CA7: variants seen among roughly 807,000 people sequenced by gnomAD.
CA7 encodes carbonic anhydrase 7.
CA7 carries 13 observed loss-of-function variants against 31.4 expected under a neutral mutation model. That is an observed-to-expected ratio of 0.41 (90% CI 0.27 to 0.66). The LOEUF (loss-of-function observed/expected upper bound fraction) is 0.66, where lower values mean the gene tolerates loss of function less well. CA7 is among the 30% of genes least tolerant of loss of function. The pLI is 0.28. For missense variants in CA7, 215 were observed against 351.0 expected, an observed-to-expected ratio of 0.61 and a Z score of 3.10; for synonymous variants, 128 against 133.2, an observed-to-expected ratio of 0.96 and a Z score of 0.27.
chr16:66,848,535 C>A (rs560886649), intron 2 of CA7, among the ~76,000 whole-genome samples: 2 of 152,286 alleles, frequency 1.3e-5, no homozygotes, highest in East Asian at 3.9e-4. Flanking sequence ...TCAGGCCTGG[C>A]TGGGGCTCCC....
Position 66,853,322 on chromosome 16 carries a change from T to C in CA7, c.673-54T>C, listed in dbSNP as rs1961106902. 1.2e-6 allele frequency: 2 copies of C among 1,610,718 alleles called. No individual in the cohort carries two copies. The highest frequency in any genetic ancestry group is 1.1e-5 in the South Asian group (1 of 90,748). On this transcript the variant is annotated intron_variant, in intron 6 of 6. Transcript: ENST00000338437. The surrounding 1 kb of genome is among the most constrained non-coding windows in gnomAD (Gnocchi z 4.5). The stretch of plus-strand genomic sequence containing the variant: ...ATGCCAGATGATGCATCTGGGGTCA[T>C]AGAGGACCACAGCACCCCCAATCTG...
chr16:66,850,808 C>T, intron 3 of CA7, 149 bp downstream of exon 3: 1 of 645,940 alleles, frequency 1.5e-6, no homozygotes, highest in Non-Finnish European at 2.8e-6. Context: ...TTCTACCCAC[C>T]CCCAGCACAG....
chr16:66,850,805 C>T, intron 3 of CA7, 146 bp downstream of exon 3: 1 of 646,182 alleles, frequency 1.5e-6, no homozygotes, highest in Non-Finnish European at 2.8e-6. Flanking sequence ...ATTTTCTACC[C>T]ACCCCCAGCA....
chr16:66,844,461 G>C lies in CA7; in HGVS notation c.-27G>C, dbSNP rs3743726. On this transcript the variant is annotated 5_prime_UTR_variant, in exon 1 of 7. Transcript: ENST00000338437. ...CGAGCGGACCGAGCCGACCGGGCAG[G>C]TGCACGGCTGCGGGGACGGCAGCGG... 54 of 1,537,222 alleles carry C rather than the reference G, an allele frequency of 3.5e-5. No individual in the cohort carries two copies. The East Asian group carries it at 1.1e-3, about 31-fold the overall frequency.
chr16:66,853,502 G>A lies in CA7; in HGVS notation c.*4G>A. 6.2e-7 allele frequency: 1 copy of A among 1,613,766 alleles called. No individual in the cohort carries two copies. ...AAAGGCCTCCTTCCGGGCCTGAGCT[G>A]CCCATCTGCCTAGCCGGCCACTAGG... On this transcript the variant is annotated 3_prime_UTR_variant, in exon 7 of 7. Transcript: ENST00000338437. The surrounding 1 kb of genome is among the most constrained non-coding windows in gnomAD (Gnocchi z 4.5).
At chr16:66,845,958 C>T (rs1273378716) in intron 1 of CA7, among the ~76,000 whole-genome samples, 2 of 152,102 alleles carry the variant, frequency 1.3e-5, no homozygotes, top group African/African-American at 2.4e-5. Context: ...GGCCGGGCCA[C>T]GATTCTGAGT....
chr16:66,844,465 A>AC lies in CA7; in HGVS notation c.-22dup. On this transcript the variant is annotated 5_prime_UTR_variant, in exon 1 of 7. Transcript: ENST00000338437. The stretch of plus-strand genomic sequence containing the variant: ...CGGACCGAGCCGACCGGGCAGGTGC[A>AC]CGGCTGCGGGGACGGCAGCGGCATG... 1 of 1,537,944 alleles carries AC rather than the reference A, an allele frequency of 6.5e-7. No individual in the cohort carries two copies. The highest frequency in any genetic ancestry group is 2.0e-5 in the Admixed American group (1 of 50,262).
intron 1 of CA7, among the ~76,000 whole-genome samples, chr16:66,845,813 C>T (rs533841721): frequency 1.3e-5 from 2 of 152,328 alleles, no homozygotes; most frequent in East Asian, 3.9e-4. Flanking sequence ...TAGCCTGCTC[C>T]ATGGGCCTGC....
At position 66,846,964 on chromosome 16, in the gene CA7, G is replaced by A; in HGVS notation, c.41-66G>A. The stretch of plus-strand genomic sequence containing the variant: ...TGCTGAAGAGACCATTCCCCTATGG[G>A]TGTCCTCGGCCTGAAGCCCAGAGAT... On this transcript the variant is annotated intron_variant, in intron 1 of 6. Coordinates refer to ENST00000338437, the MANE Select transcript of CA7 (RefSeq NM_005182.3). 4 of 1,363,522 alleles carry A rather than the reference G, an allele frequency of 2.9e-6. No homozygotes were observed. The South Asian group carries it at 4.8e-5, about 16-fold the overall frequency. The allele number at this position is 1,363,522 out of a possible 1,614,324, so 84.5% of individuals were successfully genotyped here.
At chr16:66,845,390 A>T (rs1960908595) in intron 1 of CA7, among the ~76,000 whole-genome samples, 1 of 151,936 alleles carries the variant, frequency 6.6e-6, no homozygotes, top group South Asian at 2.1e-4. Flanking sequence ...AAAAGTAATG[A>T]TGGGAGGAAC....
In CA7 at chr16:66,844,446, G is replaced by T. The variant is rs1027547015; in HGVS notation, c.-42G>T. The T allele has an allele frequency of 7.2e-6, 11 of 1,520,098 alleles. No individual in the cohort carries two copies. Among genetic ancestry groups the T allele is most frequent in the South Asian group, 2.5e-5 (2 of 81,472 alleles). The allele number at this position is 1,520,098 out of a possible 1,614,324, so 94.2% of individuals were successfully genotyped here. A position where few individuals can be genotyped will look rare whatever the true frequency, so the allele number is the denominator to read the frequency against. The stretch of plus-strand genomic sequence containing the variant: ...GAGCCGCAGCCCGAACGAGCGGACC[G>T]AGCCGACCGGGCAGGTGCACGGCTG... On this transcript the variant is annotated 5_prime_UTR_variant, in exon 1 of 7. Transcript: ENST00000338437.
In CA7 at chr16:66,853,286, G is replaced by A; in HGVS notation, c.673-90G>A. Reference sequence around the variant, plus strand: ...GAAGGAGGAGGGAGGGGTAGAGCTGGCTGGGCAGGTATGCCAGATGATGCA... The same window carrying A: ...GAAGGAGGAGGGAGGGGTAGAGCTGACTGGGCAGGTATGCCAGATGATGCA... On this transcript the variant is annotated intron_variant, in intron 6 of 6. Transcript: ENST00000338437. This position sits in a 1 kb window ranked among gnomAD's most constrained non-coding sequence, Gnocchi z 4.5. 1 of 1,528,284 alleles carries A rather than the reference G, an allele frequency of 6.5e-7. No individual in the cohort carries two copies. Among genetic ancestry groups the A allele is most frequent in the Non-Finnish European group, 9.0e-7 (1 of 1,111,204 alleles). The allele number at this position is 1,528,284 out of a possible 1,614,324, so 94.7% of individuals were successfully genotyped here. A position where few individuals can be genotyped will look rare whatever the true frequency, so the allele number is the denominator to read the frequency against.
intron 1 of CA7, among the ~76,000 whole-genome samples, chr16:66,846,130 A>T (rs922659425): frequency 6.6e-6 from 1 of 151,834 alleles, no homozygotes; most frequent in African/African-American, 2.4e-5. Flanking sequence ...CTGCAGATGG[A>T]TCCTCTGGGA....
chr16:66,845,145 C>T, intron 1 of CA7: 1 of 985,658 alleles, frequency 1.0e-6, no homozygotes, highest in Non-Finnish European at 1.2e-6. Context: ...GCCCGTGGCC[C>T]ACACCAGCCT....
intron 2 of CA7, among the ~76,000 whole-genome samples, chr16:66,847,670 C>T (rs909639722): frequency 9.2e-5 from 14 of 152,152 alleles, no homozygotes; most frequent in South Asian, 6.2e-4. Context: ...AGTCACAAGC[C>T]GCTCATTTAT....
intron 1 of CA7, 59 bp from the exon 2 acceptor site, chr16:66,846,971 C>T (rs1016958809): frequency 1.9e-5 from 28 of 1,476,972 alleles, no homozygotes; most frequent in African/African-American, 1.5e-4. Flanking sequence ...TGGGTGTCCT[C>T]GGCCTGAAGC....
In CA7 at chr16:66,844,414, G is replaced by A; in HGVS notation, c.-74G>A. On this transcript the variant is annotated 5_prime_UTR_variant, in exon 1 of 7. Coordinates refer to ENST00000338437, the MANE Select transcript of CA7 (RefSeq NM_005182.3). ...AAGAGGCTGCTCCGCGGTAGCGAGC[G>A]GGGCCGGAGCCGCAGCCCGAACGAG... 7.7e-7 allele frequency: 1 copy of A among 1,307,124 alleles called. No individual in the cohort carries two copies. Among genetic ancestry groups the A allele is most frequent in the South Asian group, 1.4e-5 (1 of 71,484 alleles). 81.0% of individuals were successfully genotyped at this position (1,307,124 alleles called of 1,614,324 possible). A position where few individuals can be genotyped will look rare whatever the true frequency, so the allele number is the denominator to read the frequency against.
chr16:66,845,282 T>C (rs1036706002), intron 1 of CA7: 2 of 968,172 alleles, frequency 2.1e-6, no homozygotes, highest in Non-Finnish European at 2.5e-6. Context: ...TCAATTCCCT[T>C]TGGGGCCATT....
Position 66,847,060 on chromosome 16 carries a change from T to C in CA7, c.71T>C (p.Ile24Thr). 6 of 1,614,184 alleles carry C rather than the reference T, an allele frequency of 3.7e-6. No homozygotes were observed. Among genetic ancestry groups the C allele is most frequent in the Non-Finnish European group, 5.1e-6 (6 of 1,180,042 alleles). The change falls in exon 2 of 7, where the codon ATT (isoleucine) becomes ACT (threonine). Residue 24 changes from isoleucine (I) to threonine (T), a missense_variant. Physicochemically the swap from Ile to Thr is moderately conservative, Grantham distance 89. Coordinates refer to ENST00000338437, the MANE Select transcript of CA7 (RefSeq NM_005182.3). Reference protein sequence around the residue: ...GPSHWHKLYPIAQGDRQSPIN... With the variant: ...GPSHWHKLYPTAQGDRQSPIN... ...TCGCATTGGCACAAGCTGTATCCCA[T>C]TGCCCAGGGAGATCGCCAATCACCC...
Sources: allele counts gnomAD v4.1 joint callset (sites outside exome capture counted in the v4.1 genomes callset), GRCh38; gene constraint gnomAD v4.1.1; non-coding constraint Gnocchi (gnomAD v3.1); transcripts MANE v1.5; gene names NCBI Gene and HGNC (gene_info 2026-07-23, HGNC 2026-07-21).